The following CTSS variants were observed in gnomAD, a reference collection of about 807,000 sequenced individuals.
The protein encoded by CTSS is cathepsin S.
In CTSS, 15 loss-of-function variants were observed where a neutral mutation model predicts 39.9. The ratio of observed to expected loss-of-function variants is 0.38; its 90% CI spans 0.25 to 0.58. The LOEUF is 0.58. Among genes scored for constraint, CTSS ranks in the 20% least tolerant of loss-of-function variants. CTSS has a pLI of 0.70. For synonymous variants in CTSS, 126 were observed against 138.2 expected, an observed-to-expected ratio of 0.91 and a Z score of 0.62; for missense variants, 250 against 398.2, an observed-to-expected ratio of 0.63 and a Z score of 3.17.
rs774198797 is a variant in CTSS, at chr1:150,757,964, C to T, written c.143G>A (p.Arg48Gln). The T allele has an allele frequency of 4.9e-5, 79 of 1,613,570 alleles. No individual in the cohort carries two copies. The highest frequency in any genetic ancestry group is 6.4e-5 in the Non-Finnish European group (76 of 1,179,854). ...TAGATTCTTTTCCCAGATGAGACGT[C>T]GTACTGCTTCTTCATTCTAAAACAT... ...QYKEKNEEAV[R>Q]RLIWEKNLKF... The change falls in exon 3 of 8, where the codon CGA becomes CAA. Residue 48 changes from arginine (R) to glutamine (Q), a missense_variant. Transcript: ENST00000368985.
chr1:150,757,674 G>C (rs947243544), intron 3 of CTSS, among the ~76,000 whole-genome samples, 184 bp downstream of exon 3: 21 of 152,060 alleles, frequency 1.4e-4, no homozygotes, highest in Admixed American at 1.3e-3. Context: ...AAAGAAAGCA[G>C]TCAAAATAGA....
rs1299994804 is a variant in CTSS at position 150,732,527 on chromosome 1, A to G, written c.*519T>C. On this transcript the variant is annotated 3_prime_UTR_variant, in exon 8 of 8. Transcript: ENST00000368985. ...GGTTGAACAATTTTTGTACAGTTAT[A>G]TCTATAGTACATTACTAATTTACTT... 2.6e-5 allele frequency: 4 copies of G among 152,486 alleles called. No homozygotes were observed. The highest frequency in any genetic ancestry group is 2.0e-4 in the Admixed American group (3 of 15,304). The allele number at this position is 152,486 out of a possible 1,614,324, so 9.4% of individuals were successfully genotyped here.
intron 7 of CTSS, among the ~76,000 whole-genome samples, chr1:150,743,200 A>G (rs996245996): frequency 2.6e-5 from 4 of 152,116 alleles, no homozygotes; most frequent in African/African-American, 9.7e-5. Flanking sequence ...ATGAATCAAG[A>G]TAGTGAGAAA....
At chr1:150,751,636 T>C in intron 5 of CTSS, 145 bp downstream of exon 5, 1 of 668,626 alleles carries the variant, frequency 1.5e-6, no homozygotes, top group Non-Finnish European at 2.6e-6. Context: ...ACAGAACTCT[T>C]GAGAATTTAA....
At chr1:150,735,816 G>A (rs929124291) in intron 7 of CTSS, among the ~76,000 whole-genome samples, 11 of 150,308 alleles carry the variant, frequency 7.3e-5, no homozygotes, top group Admixed American at 5.3e-4. Flanking sequence ...GAGTGTAGTG[G>A]CACAATCTCG....
intron 1 of CTSS, 59 bp from the exon 2 acceptor site, chr1:150,764,823 A>G (rs1653337545): frequency 6.3e-7 from 1 of 1,579,976 alleles, no homozygotes; most frequent in Admixed American, 1.7e-5. Flanking sequence ...TTGTGACCAC[A>G]TGTTTTCATA....
At chr1:150,753,940 CAAACAAAACA>C (rs139647008) in intron 4 of CTSS, among the ~76,000 whole-genome samples, 3 of 147,822 alleles carry the variant, frequency 2.0e-5, no homozygotes, top group Admixed American at 6.8e-5. Context: ...GACCCTGTCT[CAAACAAAACA>C]AAACAAAACA....
At chr1:150,756,453 T>G (rs897891772) in intron 3 of CTSS, among the ~76,000 whole-genome samples, 3 of 152,220 alleles carry the variant, frequency 2.0e-5, no homozygotes, top group African/African-American at 7.2e-5. Context: ...GTGCAAAATT[T>G]TATGTGCTAT....
chr1:150,738,548 G>A (rs1571092552), intron 7 of CTSS, among the ~76,000 whole-genome samples: 1 of 150,480 alleles, frequency 6.6e-6, no homozygotes, highest in East Asian at 1.9e-4. Flanking sequence ...TTGTGCAGTG[G>A]CACAATCGCA....
chr1:150,736,312 A>G (rs1652634780), intron 7 of CTSS, among the ~76,000 whole-genome samples: 1 of 152,202 alleles, frequency 6.6e-6, no homozygotes, highest in Non-Finnish European at 1.5e-5. Context: ...AGAGTGGTAA[A>G]GTAGCTTGCC....
At chr1:150,752,112 G>T in intron 4 of CTSS, 104 bp from the exon 5 acceptor site, 1 of 1,173,652 alleles carries the variant, frequency 8.5e-7, no homozygotes, top group Non-Finnish European at 1.2e-6. Flanking sequence ...TCTGTCCCTA[G>T]TTCCCAGAAA....
At chr1:150,763,130 A>G (rs1404767280) in intron 2 of CTSS, among the ~76,000 whole-genome samples, 3 of 151,824 alleles carry the variant, frequency 2.0e-5, no homozygotes, top group African/African-American at 7.3e-5. Context: ...AAATTCTGTC[A>G]TTTTCAACAA....
chr1:150,760,184 T>A (rs1653223560), intron 2 of CTSS, among the ~76,000 whole-genome samples: 1 of 152,270 alleles, frequency 6.6e-6, no homozygotes, highest in Non-Finnish European at 1.5e-5. Context: ...CTAAGTCCAG[T>A]CAATCTTGAA....
intron 4 of CTSS, among the ~76,000 whole-genome samples, chr1:150,753,118 G>A (rs1239244539): frequency 1.3e-5 from 2 of 152,130 alleles, no homozygotes; most frequent in Non-Finnish European, 2.9e-5. Context: ...GCCTCCCAAA[G>A]TGCTGGAATC....
intron 2 of CTSS, among the ~76,000 whole-genome samples, chr1:150,764,323 C>T (rs990373993): frequency 2.4e-4 from 37 of 152,220 alleles, no homozygotes; most frequent in Admixed American, 6.5e-4. Flanking sequence ...CTGCAACCTC[C>T]GCCTTCCCGG....
chr1:150,741,467 C>T (rs1402350547), intron 7 of CTSS, among the ~76,000 whole-genome samples: 1 of 152,126 alleles, frequency 6.6e-6, no homozygotes, highest in African/African-American at 2.4e-5. Context: ...GCATTTTTGG[C>T]TACTTACTAG....
At position 150,754,561 on chromosome 1, in the gene CTSS, G is replaced by A. The variant is rs111836402; in HGVS notation, c.399+440C>T. On this transcript the variant is annotated intron_variant, in intron 4 of 7. Transcript: ENST00000368985. ...TCCTGCCTCACTCTCCTGAGTAACTGGGATTATAGGCATGTGCCACCAGGC... is the reference window on the plus strand; with the variant it reads ...TCCTGCCTCACTCTCCTGAGTAACTAGGATTATAGGCATGTGCCACCAGGC... 8.0e-3 allele frequency among the ~76,000 whole-genome samples: 1,220 copies of A among 151,874 alleles called. 9 individuals carry two copies. Among genetic ancestry groups the A allele is most frequent in the Non-Finnish European group, 0.011 (729 of 67,974 alleles).
rs1247500450 is a variant in CTSS, at chr1:150,731,562, A to G, written c.*1484T>C. 6.6e-6 allele frequency: 1 copy of G among 152,230 alleles called. No individual in the cohort carries two copies. Among genetic ancestry groups the G allele is most frequent in the African/African-American group, 2.4e-5 (1 of 41,456 alleles). The allele number at this position is 152,230 out of a possible 1,614,324, so 9.4% of individuals were successfully genotyped here. On this transcript the variant is annotated 3_prime_UTR_variant, in exon 8 of 8. Coordinates refer to ENST00000368985, the MANE Select transcript of CTSS (RefSeq NM_004079.5). Reference sequence around the variant, plus strand: ...GAGCCAGAGTTAGTGAAATACGTTTAGGTTAATTTAGGATATATTAATGAC... The same window carrying G: ...GAGCCAGAGTTAGTGAAATACGTTTGGGTTAATTTAGGATATATTAATGAC...
intron 7 of CTSS, among the ~76,000 whole-genome samples, chr1:150,735,388 T>G (rs760536638): frequency 2.6e-4 from 39 of 152,332 alleles, no homozygotes; most frequent in Admixed American, 2.3e-3. Context: ...GTCTCTTGGC[T>G]TCAAGACACT....
Sources: gnomAD v4.1 joint callset for allele counts (sites outside exome capture counted in the v4.1 genomes callset) on GRCh38, gnomAD v4.1.1 for gene constraint, MANE v1.5 for transcripts, NCBI Gene and HGNC (gene_info 2026-07-23, HGNC 2026-07-21) for gene names.